CNTN5: variants seen among roughly 807,000 people sequenced by gnomAD.
CNTN5 encodes contactin-5.
In CNTN5, 77 loss-of-function variants were observed where a neutral mutation model predicts 129.1. The observed-to-expected ratio is 0.60, with a 90% confidence interval of 0.50 to 0.72. CNTN5 has a LOEUF of 0.72. CNTN5 is among the 30% of genes least tolerant of loss of function. The pLI, the probability that CNTN5 is intolerant of heterozygous loss-of-function variation, is 0.00. For synonymous variants in CNTN5, 509 were observed against 465.6 expected (o/e 1.09, Z -1.20); for missense variants, 1,478 against 1,328.8 (o/e 1.11, Z -1.75).
intron 3 of CNTN5, among the ~76,000 whole-genome samples, chr11:99,579,018 G>A (rs2135601761): frequency 6.6e-6 from 1 of 152,016 alleles, no homozygotes; most frequent in Admixed American, 6.5e-5. Context: ...TAAGGTGTAA[G>A]GAAGGGATCC....
intron 6 of CNTN5, among the ~76,000 whole-genome samples, chr11:99,909,347 T>G (rs1949593443): frequency 6.6e-6 from 1 of 152,106 alleles, no homozygotes; most frequent in South Asian, 2.1e-4. Flanking sequence ...ATAGGAACAC[T>G]TTTACACTGT....
chr11:99,631,944 CTA>C (rs1187731789), intron 3 of CNTN5, among the ~76,000 whole-genome samples: 2 of 152,014 alleles, frequency 1.3e-5, no homozygotes, highest in African/African-American at 4.8e-5. Flanking sequence ...TATAATTGTT[CTA>C]GTTTTATTGT....
At chr11:99,916,778 C>A (rs1372758116) in intron 7 of CNTN5, among the ~76,000 whole-genome samples, 1 of 151,996 alleles carries the variant, frequency 6.6e-6, no homozygotes, top group African/African-American at 2.4e-5. Context: ...GTTTGAGTTT[C>A]ATAATTTGAG....
In CNTN5 at chr11:99,867,286, T is replaced by C. The variant is rs114772812; in HGVS notation, c.577+22024T>C. ...AAGGATTTGTTCTTAAGTAAACATGTATTTATTGAGTACCTACTATGCGCC... is the reference window on the plus strand; with the variant it reads ...AAGGATTTGTTCTTAAGTAAACATGCATTTATTGAGTACCTACTATGCGCC... On this transcript the variant is annotated intron_variant, in intron 6 of 24. Transcript: ENST00000524871. Among the ~76,000 whole-genome samples the C allele has an allele frequency of 4.8e-3, 731 of 152,324 alleles. 3 individuals are homozygous for C. Among genetic ancestry groups the C allele is most frequent in the African/African-American group, 0.017 (693 of 41,574 alleles).
intron 1 of CNTN5, among the ~76,000 whole-genome samples, chr11:99,271,915 C>T (rs1026330854): frequency 6.6e-6 from 1 of 151,806 alleles, no homozygotes. Flanking sequence ...AGCATTTTCA[C>T]GATGTTCAGC....
At chr11:99,269,389 A>G (rs577913637) in intron 1 of CNTN5, among the ~76,000 whole-genome samples, 1 of 151,896 alleles carries the variant, frequency 6.6e-6, no homozygotes, top group South Asian at 2.1e-4. Context: ...ACAAACTAAT[A>G]ATATAAAGAT....
chr11:99,410,982 C>T (rs116429207), intron 2 of CNTN5, among the ~76,000 whole-genome samples: 2,131 of 152,226 alleles, frequency 0.014, 40 homozygotes, highest in African/African-American at 0.047. Flanking sequence ...AATTTATTTG[C>T]GTATATTGAG....
At chr11:100,136,825 A>G (rs1364862977) in intron 13 of CNTN5, among the ~76,000 whole-genome samples, 2 of 151,610 alleles carry the variant, frequency 1.3e-5, no homozygotes, top group East Asian at 3.9e-4. Flanking sequence ...AGAAACAAAC[A>G]CTTGGGAAAA....
chr11:99,238,383 C>A (rs80179112), intron 1 of CNTN5, among the ~76,000 whole-genome samples: 14,500 of 152,092 alleles, frequency 0.095, 729 homozygotes, highest in South Asian at 0.15. Context: ...CAATCTGAAC[C>A]TACACAATTT....
intron 20 of CNTN5, among the ~76,000 whole-genome samples, 191 bp downstream of exon 20, chr11:100,299,587 A>G (rs564442568): frequency 1.3e-5 from 2 of 151,520 alleles, no homozygotes; most frequent in South Asian, 2.1e-4. Flanking sequence ...ATTATTCCAC[A>G]TATGTTGCTT....
rs189147004 is a variant in CNTN5 at position 100,295,962 on chromosome 11, G to T, written c.2315-1663G>T. 4.6e-3 allele frequency among the ~76,000 whole-genome samples: 703 copies of T among 151,404 alleles called. 8 individuals carry two copies. The highest frequency in any genetic ancestry group is 0.016 in the African/African-American group (660 of 41,434). On this transcript the variant is annotated intron_variant, in intron 18 of 24. Transcript: ENST00000524871. ...ACATTTAAAAAAACAAAAATACTAAGAGAAGCAGTAATGGCATGATATCAC... is the reference window on the plus strand; with the variant it reads ...ACATTTAAAAAAACAAAAATACTAATAGAAGCAGTAATGGCATGATATCAC...
intron 9 of CNTN5, among the ~76,000 whole-genome samples, chr11:100,021,039 GT>G (rs1244913723): frequency 6.6e-6 from 1 of 151,952 alleles, no homozygotes; most frequent in African/African-American, 2.4e-5. Context: ...CAAAATTCCA[GT>G]TCTATGATTT....
chr11:99,147,874 A>C (rs1389277482), intron 1 of CNTN5, among the ~76,000 whole-genome samples: 2 of 152,088 alleles, frequency 1.3e-5, no homozygotes, highest in Non-Finnish European at 2.9e-5. Flanking sequence ...GAAGCACTTC[A>C]TTTTATATAT....
intron 2 of CNTN5, among the ~76,000 whole-genome samples, chr11:99,492,838 G>A (rs1329021309): frequency 1.3e-5 from 2 of 152,076 alleles, no homozygotes; most frequent in African/African-American, 4.8e-5. Flanking sequence ...AAATGGATAT[G>A]GTCTAATGGT....
At chr11:99,331,567 C>T (rs4754600) in intron 2 of CNTN5, among the ~76,000 whole-genome samples, 102,364 of 151,878 alleles carry the variant, frequency 0.67, 35,406 homozygotes, top group South Asian at 0.83. Context: ...CACCTTGGTG[C>T]CTAGACTTTT....
intron 3 of CNTN5, among the ~76,000 whole-genome samples, chr11:99,659,760 A>G (rs1042788623): frequency 2.0e-5 from 3 of 152,158 alleles, no homozygotes; most frequent in African/African-American, 7.2e-5. Flanking sequence ...GCTTCAGTCA[A>G]AGTCTATGGA....
chr11:99,791,599 GCT>G (rs1268878237), intron 3 of CNTN5, among the ~76,000 whole-genome samples: 1 of 152,130 alleles, frequency 6.6e-6, no homozygotes, highest in Non-Finnish European at 1.5e-5. Flanking sequence ...GGCTATTCAA[GCT>G]CTTTTTAGGT....
chr11:100,095,198 A>G (rs899929225), intron 13 of CNTN5, among the ~76,000 whole-genome samples: 2 of 152,150 alleles, frequency 1.3e-5, no homozygotes, highest in East Asian at 1.9e-4. Flanking sequence ...TTTTTCTGCA[A>G]TTACAAAGTA....
intron 6 of CNTN5, among the ~76,000 whole-genome samples, chr11:99,849,255 TTC>T (rs1947798836): frequency 6.6e-6 from 1 of 151,678 alleles, no homozygotes; most frequent in Admixed American, 6.6e-5. Flanking sequence ...CATCGAAGTT[TTC>T]TTTCTTTTGC....
Sources: allele counts gnomAD v4.1 joint callset (sites outside exome capture counted in the v4.1 genomes callset), GRCh38; gene constraint gnomAD v4.1.1; transcripts MANE v1.5; gene names NCBI Gene and HGNC (gene_info 2026-07-23, HGNC 2026-07-21).